TRIM4: variants seen among roughly 807,000 people sequenced by gnomAD.
TRIM4 encodes the protein E3 ubiquitin-protein ligase TRIM4.
In TRIM4, 29 loss-of-function variants were observed where a neutral mutation model predicts 33.7. The observed-to-expected ratio is 0.86, with a 90% CI of 0.64 to 1.17. TRIM4 has a LOEUF of 1.17. Ranked by LOEUF, TRIM4 falls within the 50% of genes most tolerant of loss-of-function variation. The pLI, the probability that TRIM4 is intolerant of heterozygous loss-of-function variation, is 0.00. For synonymous variants in TRIM4, 224 were observed against 233.0 expected (o/e 0.96, Z 0.35); for missense variants, 554 against 593.7 (o/e 0.93, Z 0.69).
intron 1 of TRIM4, among the ~76,000 whole-genome samples, chr7:99,915,979 C>T (rs1330227981): frequency 1.3e-5 from 2 of 152,186 alleles, no homozygotes; most frequent in African/African-American, 2.4e-5. Flanking sequence ...CCTCACATCT[C>T]TGTGGCACAG....
rs376234532 is a variant in TRIM4 at position 99,909,639 on chromosome 7, G to C, written c.415C>G (p.Arg139Gly). 3 of 1,612,744 alleles carry C rather than the reference G, an allele frequency of 1.9e-6. No homozygotes were observed. The highest frequency in any genetic ancestry group is 3.3e-5 in the Admixed American group (2 of 59,880). ...TTCTTCATCTTGGCCACGAGATTAC[G>C]CTGAGACTTAAGAAGTTTCTCCTGC... ...SYREKLLKSQ[R>G]NLVAKMKKVM... Residue 139 changes from arginine to glycine, a missense_variant, in exon 2 of 6, where the codon CGT becomes GGT. Arg to Gly is a moderately radical substitution (Grantham distance 125). Transcript: ENST00000349062.
intron 3 of TRIM4, among the ~76,000 whole-genome samples, chr7:99,906,648 T>C (rs960560969): frequency 3.3e-5 from 5 of 151,310 alleles, no homozygotes; most frequent in East Asian, 1.9e-4. Flanking sequence ...ACTCAAGAAG[T>C]TGAGAAAAGA....
chr7:99,892,072 G>C lies in TRIM4; in HGVS notation c.*91C>G. On this transcript the variant is annotated 3_prime_UTR_variant, in exon 6 of 6. Transcript: ENST00000349062. ...GAGACCCAGAAGATGGACCATCCAG[G>C]ATAGAGACATGAAGGGCAGAAGAGG... 8.6e-7 allele frequency: 1 copy of C among 1,164,756 alleles called. No individual in the cohort carries two copies. Among genetic ancestry groups the C allele is most frequent in the Non-Finnish European group, 1.2e-6 (1 of 836,296 alleles). The allele number at this position is 1,164,756 out of a possible 1,614,324, so 72.2% of individuals were successfully genotyped here.
chr7:99,892,792 C>T (rs1406256735), intron 5 of TRIM4, 46 bp from the exon 6 acceptor site: 4 of 1,490,768 alleles, frequency 2.7e-6, no homozygotes, highest in Middle Eastern at 1.8e-4. Context: ...TTATCATCAA[C>T]CCTTCCCCAG....
intron 5 of TRIM4, among the ~76,000 whole-genome samples, chr7:99,893,201 A>T (rs1416058804): frequency 6.6e-6 from 1 of 152,126 alleles, no homozygotes; most frequent in African/African-American, 2.4e-5. Flanking sequence ...CAGAAGGCGG[A>T]GGTTGTAGTG....
intron 1 of TRIM4, among the ~76,000 whole-genome samples, chr7:99,914,806 CTTTT>C (rs1173551601): frequency 6.6e-6 from 1 of 151,410 alleles, no homozygotes; most frequent in South Asian, 2.1e-4. Flanking sequence ...TTCTTTTTTT[CTTTT>C]TTTCTTTTTT....
intron 3 of TRIM4, among the ~76,000 whole-genome samples, chr7:99,906,350 G>A (rs960614641): frequency 1.9e-4 from 29 of 151,826 alleles, no homozygotes; most frequent in East Asian, 3.9e-4. Context: ...TTTTCTCCAC[G>A]AGTGTCATAC....
chr7:99,918,948 A>G (rs1008841887), intron 1 of TRIM4, 61 bp downstream of exon 1: 57 of 1,518,440 alleles, frequency 3.8e-5, no homozygotes, highest in Non-Finnish European at 4.6e-5. Flanking sequence ...TAGGAGCATT[A>G]AGTAAACTTT....
intron 5 of TRIM4, among the ~76,000 whole-genome samples, chr7:99,898,306 T>C (rs1216069189): frequency 6.6e-6 from 1 of 152,206 alleles, no homozygotes; most frequent in African/African-American, 2.4e-5. Flanking sequence ...TGCACCCTTA[T>C]GTACTGAAAG....
intron 3 of TRIM4, among the ~76,000 whole-genome samples, chr7:99,907,087 G>T (rs1819323382): frequency 6.6e-6 from 1 of 152,260 alleles, no homozygotes; most frequent in South Asian, 2.1e-4. Context: ...CAGGCTCTGA[G>T]ATTCTATGTT....
intron 3 of TRIM4, among the ~76,000 whole-genome samples, chr7:99,905,421 C>G (rs1487148375): frequency 1.3e-5 from 2 of 152,224 alleles, no homozygotes; most frequent in African/African-American, 4.8e-5. Context: ...TATGTTCACA[C>G]ATATTCCTGT....
chr7:99,908,067 T>C (rs1304738093), intron 3 of TRIM4, among the ~76,000 whole-genome samples: 1 of 152,212 alleles, frequency 6.6e-6, no homozygotes, highest in African/African-American at 2.4e-5. Flanking sequence ...CAAACTTAAG[T>C]GCTAAGTTAG....
chr7:99,919,345 G>T lies in TRIM4; in HGVS notation c.57C>A (p.Phe19Leu), dbSNP rs752751977. Residue 19 changes from phenylalanine (F) to leucine (L), a missense_variant, in exon 1 of 6, where the codon TTC (phenylalanine) becomes TTA (leucine). Physicochemically the swap from Phe to Leu is conservative, Grantham distance 22. Coordinates refer to ENST00000349062, the MANE Select transcript of TRIM4 (RefSeq NM_033091.3). ...CGCACTCGATGGACACCGGGTCCTGGAAATAGTCCAGGCAGATGGGGCAGG... is the reference window on the plus strand; with the variant it reads ...CGCACTCGATGGACACCGGGTCCTGTAAATAGTCCAGGCAGATGGGGCAGG... ...ELTCPICLDYFQDPVSIECGH... is the reference protein window; with the variant it reads ...ELTCPICLDYLQDPVSIECGH... The T allele has an allele frequency of 3.8e-6, 6 of 1,581,896 alleles. No individual in the cohort carries two copies. The highest frequency in any genetic ancestry group is 1.4e-5 in the African/African-American group (1 of 72,764).
intron 1 of TRIM4, chr7:99,916,631 C>G (rs1819560643): frequency 1.3e-6 from 1 of 754,556 alleles, no homozygotes; most frequent in Non-Finnish European, 2.5e-6. Flanking sequence ...AGTCATTCAA[C>G]TCCAGCTCAT....
Position 99,919,433 on chromosome 7 carries a change from C to T in TRIM4, c.-32G>A, listed in dbSNP as rs372978358. On this transcript the variant is annotated 5_prime_UTR_variant, in exon 1 of 6. Coordinates refer to ENST00000349062, the MANE Select transcript of TRIM4 (RefSeq NM_033091.3). ...TCCCTGCCGCGGAGACGGAGTCCGA[C>T]GTGAGGCGCGGGAGAGGCCAGCAAG... 19 of 1,494,450 alleles carry T rather than the reference C, an allele frequency of 1.3e-5. No individual in the cohort carries two copies. In the African/African-American group the frequency reaches 2.7e-4, roughly 22 times the overall value. The allele number at this position is 1,494,450 out of a possible 1,614,324, so 92.6% of individuals were successfully genotyped here.
At chr7:99,893,432 G>A (rs147925490) in intron 5 of TRIM4, among the ~76,000 whole-genome samples, 1 of 152,272 alleles carries the variant, frequency 6.6e-6, no homozygotes, top group East Asian at 1.9e-4. Context: ...ATACACACAG[G>A]TGTCACATAG....
chr7:99,919,233 C>A lies in TRIM4; in HGVS notation c.169G>T (p.Ala57Ser). Reference protein sequence around the residue: ...FPCPECRHPSAPAALRPNWAL... With the variant: ...FPCPECRHPSSPAALRPNWAL... ...CAGTTGGGTCGCAGCGCGGCGGGCG[C>A]CGATGGGTGCCGACATTCGGGGCAG... Residue 57 changes from alanine (A) to serine (S), a missense_variant, in exon 1 of 6, where the codon GCG becomes TCG. Ala to Ser is a moderately conservative substitution (Grantham distance 99, BLOSUM62 1). Around this residue, in one of 3 missense-constraint regions of TRIM4, gnomAD observed 233 missense variants for 203.1 expected, o/e 1.15. Coordinates refer to ENST00000349062, the MANE Select transcript of TRIM4 (RefSeq NM_033091.3). 6.5e-7 allele frequency: 1 copy of A among 1,527,076 alleles called. No individual in the cohort carries two copies. Among genetic ancestry groups the A allele is most frequent in the Non-Finnish European group, 8.8e-7 (1 of 1,137,240 alleles). 94.6% of individuals were successfully genotyped at this position (1,527,076 alleles called of 1,614,324 possible).
intron 1 of TRIM4, among the ~76,000 whole-genome samples, chr7:99,912,545 A>AT (rs887522975): frequency 3.4e-5 from 5 of 147,718 alleles, no homozygotes; most frequent in Admixed American, 1.3e-4. Flanking sequence ...AAAAAAAAAT[A>AT]ATACCATAAA....
At chr7:99,903,736 T>TCTGTCAATCTGTTG in intron 3 of TRIM4, 138 bp from the exon 4 acceptor site, 3 of 907,970 alleles carry the variant, frequency 3.3e-6, no homozygotes, top group Non-Finnish European at 5.3e-6. Flanking sequence ...GCCAACAGAT[T>TCTGTCAATCTGTTG]GACAGAATCT....
Sources: allele counts gnomAD v4.1 joint callset (sites outside exome capture counted in the v4.1 genomes callset), GRCh38; gene constraint gnomAD v4.1.1; regional missense constraint gnomAD v4.1.1; transcripts MANE v1.5; gene names NCBI Gene and HGNC (gene_info 2026-07-23, HGNC 2026-07-21).